The following IL23R variants were observed in gnomAD, a reference collection of about 807,000 sequenced individuals.
The protein encoded by IL23R is interleukin-23 receptor.
IL23R carries 34 observed loss-of-function variants against 56.9 expected under a neutral mutation model. The observed-to-expected ratio is 0.60, with a 90% CI of 0.45 to 0.80. The LOEUF is 0.80. Among genes scored for constraint, IL23R ranks in the 30% least tolerant of loss-of-function variants. The probability of loss-of-function intolerance (pLI) is 0.00; values close to 1 mark genes in which losing one functional copy is unlikely to be tolerated. For synonymous variants in IL23R, 230 were observed against 249.2 expected, an observed-to-expected ratio of 0.92 and a Z score of 0.73; for missense variants, 635 against 730.0, an observed-to-expected ratio of 0.87 and a Z score of 1.50.
At chr1:67,199,784 T>C (rs914337155) in intron 4 of IL23R, among the ~76,000 whole-genome samples, 2 of 152,156 alleles carry the variant, frequency 1.3e-5, no homozygotes, top group African/African-American at 4.8e-5. Flanking sequence ...CTGTGGCCCT[T>C]GTCAGATTTG....
At chr1:67,182,738 G>T in intron 3 of IL23R, 98 bp from the exon 4 acceptor site, 1 of 1,251,008 alleles carries the variant, frequency 8.0e-7, no homozygotes, top group East Asian at 2.4e-5. Flanking sequence ...CACGCTGGGA[G>T]CTGTAGACTG....
At chr1:67,255,625 G>C (rs1238163043) in intron 9 of IL23R, among the ~76,000 whole-genome samples, 1 of 151,946 alleles carries the variant, frequency 6.6e-6, no homozygotes, top group Admixed American at 6.6e-5. Flanking sequence ...ATTCTGTAGA[G>C]ACAGGGTCTT....
chr1:67,235,711 A>C (rs1651429507), intron 7 of IL23R, among the ~76,000 whole-genome samples: 2 of 152,070 alleles, frequency 1.3e-5, no homozygotes, highest in African/African-American at 2.4e-5. Context: ...CTTTTTCAAA[A>C]ATTTCTGAAG....
At chr1:67,236,870 GA>G (rs1279723080) in intron 8 of IL23R, 68 bp downstream of exon 8, 9 of 1,010,348 alleles carry the variant, frequency 8.9e-6, no homozygotes, top group South Asian at 6.4e-5. Flanking sequence ...CCATCATACT[GA>G]AAAAATCACA....
At position 67,169,641 on chromosome 1, in the gene IL23R, A is replaced by C; in HGVS notation, c.367+3A>C. 6.2e-7 allele frequency: 1 copy of C among 1,613,672 alleles called. No individual in the cohort carries two copies. Among genetic ancestry groups the C allele is most frequent in the African/African-American group, 1.3e-5 (1 of 75,056 alleles). On this transcript the variant is annotated splice_donor_region_variant and intron_variant, in intron 3 of 10. Transcript: ENST00000347310. ...TGGAAAAGACATTTCTTCTGGATGTAAGTGTTGGGGCACATTTGAAATGCA... is the reference window on the plus strand; with the variant it reads ...TGGAAAAGACATTTCTTCTGGATGTCAGTGTTGGGGCACATTTGAAATGCA...
intron 7 of IL23R, among the ~76,000 whole-genome samples, chr1:67,232,854 G>A (rs1441772679): frequency 6.6e-6 from 1 of 152,042 alleles, no homozygotes; most frequent in Non-Finnish European, 1.5e-5. Flanking sequence ...GGGGGCAGTT[G>A]CAGTCATGCT....
At chr1:67,156,513 A>G (rs1389399286) in intron 1 of IL23R, among the ~76,000 whole-genome samples, 2 of 152,244 alleles carry the variant, frequency 1.3e-5, no homozygotes, top group Middle Eastern at 3.4e-3. Context: ...TGCCTTGCCC[A>G]GTGAGGAGGA....
intron 1 of IL23R, among the ~76,000 whole-genome samples, chr1:67,140,196 C>T (rs1646623263): frequency 2.0e-5 from 3 of 152,274 alleles, no homozygotes; most frequent in Admixed American, 6.5e-5. Flanking sequence ...TAGCATCTTG[C>T]AAGGCTTCAC....
intron 8 of IL23R, among the ~76,000 whole-genome samples, chr1:67,238,927 C>T (rs1018089505): frequency 3.3e-5 from 5 of 152,146 alleles, no homozygotes; most frequent in Non-Finnish European, 7.4e-5. Context: ...GAGGGCTGGG[C>T]AGCCTGGAGA....
intron 4 of IL23R, among the ~76,000 whole-genome samples, chr1:67,192,994 C>T (rs1647862209): frequency 6.6e-6 from 1 of 152,150 alleles, no homozygotes; most frequent in Non-Finnish European, 1.5e-5. Context: ...TCTATGTGAC[C>T]TTGCAAGTCT....
chr1:67,202,740 T>A (rs1648729426), intron 5 of IL23R, among the ~76,000 whole-genome samples: 2 of 152,118 alleles, frequency 1.3e-5, no homozygotes, highest in South Asian at 4.1e-4. Context: ...GCCTGGCTAA[T>A]TTTTTTAAAT....
At chr1:67,173,709 T>C (rs1423905385) in intron 3 of IL23R, among the ~76,000 whole-genome samples, 1 of 152,200 alleles carries the variant, frequency 6.6e-6, no homozygotes. Flanking sequence ...AAAATAGTTT[T>C]TTAATTATAA....
intron 1 of IL23R, among the ~76,000 whole-genome samples, chr1:67,145,298 A>G (rs1046691608): frequency 9.9e-5 from 15 of 152,098 alleles, no homozygotes; most frequent in African/African-American, 3.6e-4. Flanking sequence ...AGTGAGCCCA[A>G]ATTGTGCCAC....
Position 67,240,205 on chromosome 1 carries a change from T to G in IL23R, c.1072T>G (p.Leu358Val). Reference protein sequence around the residue: ...SDNRGDIGLLLGMIVFAVMLS... With the variant: ...SDNRGDIGLLVGMIVFAVMLS... ...CAACAGAGGAGACATTGGACTTTTA[T>G]TGGGAATGATCGTCTTTGCTGTTAT... The change falls in exon 9 of 11, where the codon TTG (leucine) becomes GTG (valine). Residue 358 changes from leucine to valine, a missense_variant. Transcript: ENST00000347310. The G allele has an allele frequency of 6.2e-7, 1 of 1,612,392 alleles. No individual in the cohort carries two copies. Among genetic ancestry groups the G allele is most frequent in the Non-Finnish European group, 8.5e-7 (1 of 1,178,486 alleles).
chr1:67,157,122 G>A (rs776147413), intron 1 of IL23R, among the ~76,000 whole-genome samples: 30 of 152,048 alleles, frequency 2.0e-4, no homozygotes, highest in East Asian at 9.7e-4. Flanking sequence ...TCCATGGGTC[G>A]CACCCACTGC....
At chr1:67,145,737 T>C (rs937576169) in intron 1 of IL23R, among the ~76,000 whole-genome samples, 3 of 152,214 alleles carry the variant, frequency 2.0e-5, no homozygotes, top group Non-Finnish European at 2.9e-5. Flanking sequence ...ATCATTAAAA[T>C]AGTCACAAAA....
intron 7 of IL23R, among the ~76,000 whole-genome samples, chr1:67,234,180 C>T (rs1349682978): frequency 1.3e-5 from 2 of 152,112 alleles, no homozygotes; most frequent in African/African-American, 4.8e-5. Context: ...GACGTAGCCA[C>T]GTGGTGGCAG....
At chr1:67,205,929 C>CTT (rs1649010672) in intron 5 of IL23R, among the ~76,000 whole-genome samples, 1 of 116,306 alleles carries the variant, frequency 8.6e-6, no homozygotes, top group Admixed American at 9.3e-5. Flanking sequence ...CTTTCTTTTT[C>CTT]TTTCTTTCTT....
intron 7 of IL23R, among the ~76,000 whole-genome samples, chr1:67,235,541 G>A (rs1263416719): frequency 6.6e-6 from 1 of 151,772 alleles, no homozygotes; most frequent in African/African-American, 2.4e-5. Context: ...TTACAGGCAC[G>A]CACCACCATA....
Sources: allele counts gnomAD v4.1 joint callset (sites outside exome capture counted in the v4.1 genomes callset), GRCh38; gene constraint gnomAD v4.1.1; transcripts MANE v1.5; gene names NCBI Gene and HGNC (gene_info 2026-07-23, HGNC 2026-07-21).